Variants in FRY observed in about 807,000 individuals in gnomAD.
The protein encoded by FRY is FRY microtubule binding protein.
A neutral mutation model predicts 348.4 loss-of-function variants in FRY; 128 were observed. The observed-to-expected ratio is 0.37, with a 90% CI of 0.32 to 0.43. FRY has a LOEUF of 0.43. Ranked by LOEUF, FRY falls within the 20% of genes least tolerant of loss-of-function variation. The probability of loss-of-function intolerance (pLI) is 1.00; values close to 1 mark genes in which losing one functional copy is unlikely to be tolerated. For synonymous variants in FRY, 1,370 were observed against 1,374.7 expected (o/e 1.00, Z 0.08); for missense variants, 2,736 against 3,695.2 (o/e 0.74, Z 6.73).
intron 1 of FRY, among the ~76,000 whole-genome samples, chr13:32,063,041 T>C (rs1228093731): frequency 6.6e-6 from 1 of 152,168 alleles, no homozygotes; most frequent in Non-Finnish European, 1.5e-5. Flanking sequence ...GTATAATGCA[T>C]ATTATATTAA....
chr13:32,088,525 G>A (rs1387211032), intron 2 of FRY, among the ~76,000 whole-genome samples: 1 of 152,188 alleles, frequency 6.6e-6, no homozygotes, highest in Non-Finnish European at 1.5e-5. Flanking sequence ...CAATTTAACT[G>A]CTGAATGAGG....
chr13:32,081,834 T>G (rs1227513305), intron 2 of FRY, among the ~76,000 whole-genome samples: 1 of 152,226 alleles, frequency 6.6e-6, no homozygotes, highest in Non-Finnish European at 1.5e-5. Context: ...CAAGAGGTGT[T>G]ATTTTTGATG....
chr13:32,224,171 C>T (rs1250626201), intron 36 of FRY, 64 bp from the exon 37 acceptor site: 12 of 1,342,900 alleles, frequency 8.9e-6, no homozygotes, highest in Non-Finnish European at 1.3e-5. Flanking sequence ...CTGAAAACAT[C>T]AAGTAGAGAA....
At chr13:32,211,099 T>C in intron 34 of FRY, 65 bp downstream of exon 34, 4 of 1,388,574 alleles carry the variant, frequency 2.9e-6, no homozygotes, top group Non-Finnish European at 4.1e-6. Flanking sequence ...TGTAGATTCC[T>C]GAAAGGATAT....
chr13:32,269,950 A>C (rs1888122404), intron 55 of FRY, among the ~76,000 whole-genome samples: 1 of 152,156 alleles, frequency 6.6e-6, no homozygotes, highest in Non-Finnish European at 1.5e-5. Flanking sequence ...CAACTTCTTC[A>C]ATTTACTCTA....
At chr13:32,226,107 T>C in intron 39 of FRY, 133 bp downstream of exon 39, 1 of 718,084 alleles carries the variant, frequency 1.4e-6, no homozygotes, top group Admixed American at 2.1e-5. Flanking sequence ...AAATCAACAG[T>C]ACAATAAATA....
intron 16 of FRY, among the ~76,000 whole-genome samples, chr13:32,159,380 C>T (rs900943319): frequency 3.0e-4 from 45 of 152,130 alleles, no homozygotes; most frequent in Non-Finnish European, 8.8e-5. Context: ...CCAGGCCCTA[C>T]GCAGGGTAAG....
In FRY at chr13:32,186,485, C is replaced by T. The variant is rs1883037022; in HGVS notation, c.3480+65C>T. On this transcript the variant is annotated intron_variant, in intron 27 of 60. Coordinates refer to ENST00000542859, the MANE Select transcript of FRY (RefSeq NM_023037.3). ...ATGGTCTCTCTCGTTAAACTAATAACCATGCCTTAAAAATAAGCTTAAAAT... is the reference window on the plus strand; with the variant it reads ...ATGGTCTCTCTCGTTAAACTAATAATCATGCCTTAAAAATAAGCTTAAAAT... The T allele has an allele frequency of 3.0e-6, 3 of 1,009,390 alleles. No individual in the cohort carries two copies. In the African/African-American group the frequency reaches 4.7e-5, roughly 16 times the overall value. The allele number at this position is 1,009,390 out of a possible 1,614,324, so 62.5% of individuals were successfully genotyped here. A position where few individuals can be genotyped will look rare whatever the true frequency, so the allele number is the denominator to read the frequency against.
At position 32,158,079 on chromosome 13, in the gene FRY, A is replaced by G. The variant is rs114273474; in HGVS notation, c.1784+674A>G. Among the ~76,000 whole-genome samples, 1,093 of 152,338 alleles carry G rather than the reference A, an allele frequency of 7.2e-3. 18 individuals are homozygous for G. Among genetic ancestry groups the G allele is most frequent in the African/African-American group, 0.025 (1,050 of 41,576 alleles). On this transcript the variant is annotated intron_variant, in intron 16 of 60. Coordinates refer to ENST00000542859, the MANE Select transcript of FRY (RefSeq NM_023037.3). ...TTTCTTCTGTCATCCATCATTTTCAACTGCAAATATAAGAATTAATCTGAA... is the reference window on the plus strand; with the variant it reads ...TTTCTTCTGTCATCCATCATTTTCAGCTGCAAATATAAGAATTAATCTGAA...
At chr13:32,213,321 AAGGCTCCTTCCCTAATTC>A (rs1161220752) in intron 35 of FRY, among the ~76,000 whole-genome samples, 1 of 152,134 alleles carries the variant, frequency 6.6e-6, no homozygotes, top group African/African-American at 2.4e-5. Context: ...TGGGGCTCTG[AAGGCTCCTTCCCTAATTC>A]AGGCACCAGC....
chr13:32,290,005 A>G (rs1052418594), intron 59 of FRY, among the ~76,000 whole-genome samples: 1 of 152,184 alleles, frequency 6.6e-6, no homozygotes, highest in African/African-American at 2.4e-5. Flanking sequence ...GTTACGGCCT[A>G]GGTGCCTTGC....
chr13:32,157,159 A>G lies in FRY; in HGVS notation c.1652-114A>G, dbSNP rs1299073694. 3.1e-6 allele frequency: 3 copies of G among 965,220 alleles called. No individual in the cohort carries two copies. The Admixed American group carries it at 5.4e-5, about 17-fold the overall frequency. 59.8% of individuals were successfully genotyped at this position (965,220 alleles called of 1,614,324 possible). On this transcript the variant is annotated intron_variant, in intron 15 of 60. Transcript: ENST00000542859. ...ATTGAATCAGACAGCCCTTTTGCTC[A>G]AGGAAGTCATTGACTCATAAGGTCT...
intron 3 of FRY, among the ~76,000 whole-genome samples, chr13:32,116,129 CTTATCT>C (rs1245202701): frequency 1.3e-5 from 2 of 152,118 alleles, no homozygotes; most frequent in Non-Finnish European, 2.9e-5. Flanking sequence ...CACCTTCTTA[CTTATCT>C]TTAATTATGG....
At chr13:32,228,735 A>T (rs1885748548) in intron 40 of FRY, 81 bp downstream of exon 40, 1 of 1,169,410 alleles carries the variant, frequency 8.6e-7, no homozygotes, top group African/African-American at 1.5e-5. Flanking sequence ...ACACAGATGG[A>T]AAAGTGATCC....
At chr13:32,209,932 C>T (rs1482221526) in intron 33 of FRY, among the ~76,000 whole-genome samples, 2 of 152,198 alleles carry the variant, frequency 1.3e-5, no homozygotes. Flanking sequence ...AGTGATGCCT[C>T]TGTCATCTCC....
At chr13:32,036,367 C>G (rs905168006) in intron 1 of FRY, among the ~76,000 whole-genome samples, 2 of 152,156 alleles carry the variant, frequency 1.3e-5, no homozygotes, top group Admixed American at 6.5e-5. Flanking sequence ...GTCACTTCTG[C>G]TAACGTAGTT....
intron 8 of FRY, among the ~76,000 whole-genome samples, chr13:32,134,182 C>T (rs527905990): frequency 1.2e-3 from 186 of 152,250 alleles, no homozygotes; most frequent in Middle Eastern, 6.8e-3. Context: ...TGCCAACTTT[C>T]CTTTTAAAAA....
intron 50 of FRY, 36 bp from the exon 51 acceptor site, chr13:32,254,187 GA>G: frequency 6.2e-7 from 1 of 1,609,694 alleles, no homozygotes; most frequent in Non-Finnish European, 8.5e-7. Flanking sequence ...CAACCAAAGG[GA>G]GAACGGTTTC....
At chr13:32,107,049 C>T (rs1475187687) in intron 3 of FRY, among the ~76,000 whole-genome samples, 1 of 152,112 alleles carries the variant, frequency 6.6e-6, no homozygotes, top group Non-Finnish European at 1.5e-5. Context: ...AATTACACTC[C>T]AACTCTGTAA....
Sources: gnomAD v4.1 joint callset for allele counts (sites outside exome capture counted in the v4.1 genomes callset) on GRCh38, gnomAD v4.1.1 for gene constraint, MANE v1.5 for transcripts, NCBI Gene and HGNC (gene_info 2026-07-23, HGNC 2026-07-21) for gene names.